The following TAOK1 variants were observed in gnomAD, a reference collection of about 807,000 sequenced individuals.
The protein encoded by TAOK1 is serine/threonine-protein kinase TAO1.
In TAOK1, 21 loss-of-function variants were observed where a neutral mutation model predicts 138.3. The ratio of observed to expected loss-of-function variants is 0.15; its 90% confidence interval spans 0.11 to 0.22. TAOK1 has a LOEUF of 0.22. Ranked by LOEUF, TAOK1 falls within the 10% of genes least tolerant of loss-of-function variation. TAOK1 has a pLI of 1.00. For missense variants in TAOK1, 651 were observed against 1,227.7 expected (o/e 0.53, Z 7.02); for synonymous variants, 361 against 398.4 (o/e 0.91, Z 1.12).
chr17:29,436,969 A>G (rs2153023095), intron 1 of TAOK1, among the ~76,000 whole-genome samples: 1 of 152,322 alleles, frequency 6.6e-6, no homozygotes, highest in East Asian at 1.9e-4. Context: ...AAAACACTTG[A>G]TATTATAAAA....
chr17:29,473,757 C>T (rs1432841128), intron 3 of TAOK1, among the ~76,000 whole-genome samples: 1 of 151,682 alleles, frequency 6.6e-6, no homozygotes, highest in Non-Finnish European at 1.5e-5. Flanking sequence ...GACAGAGTCT[C>T]TCTCTGTTGC....
intron 2 of TAOK1, among the ~76,000 whole-genome samples, chr17:29,457,408 T>TTTTTTTTTTTTC (rs2030412953): frequency 7.2e-6 from 1 of 138,362 alleles, no homozygotes; most frequent in Non-Finnish European, 1.6e-5. Context: ...AGGCCTTTTT[T>TTTTTTTTTTTTC]TTTTTTTTTT....
Position 29,500,149 on chromosome 17 carries a change from C to CA in TAOK1, c.1203+1635dup, listed in dbSNP as rs1296236136. The stretch of plus-strand genomic sequence containing the variant: ...GCAACATGGTGAAACCCTGTCTCCG[C>CA]AAAAAAATTTAAAAATTAGCTCGGC... On this transcript the variant is annotated intron_variant, in intron 12 of 19. Transcript: ENST00000261716. Among the ~76,000 whole-genome samples the CA allele has an allele frequency of 2.8e-4, 43 of 151,680 alleles. 2 individuals carry two copies. The highest frequency in any genetic ancestry group is 9.7e-4 in the African/African-American group (40 of 41,268).
chr17:29,446,737 C>CT (rs34871616), intron 1 of TAOK1, among the ~76,000 whole-genome samples: 237 of 119,852 alleles, frequency 2.0e-3, no homozygotes, highest in Middle Eastern at 0.013. Flanking sequence ...TTTTACTGTA[C>CT]TTTTTTTTTT....
intron 18 of TAOK1, among the ~76,000 whole-genome samples, chr17:29,532,555 G>A (rs2032138041): frequency 6.6e-6 from 1 of 152,032 alleles, no homozygotes; most frequent in African/African-American, 2.4e-5. Flanking sequence ...CTCTTAACGA[G>A]CATGCTGCCT....
At chr17:29,409,141 T>TA (rs1487757533) in intron 1 of TAOK1, among the ~76,000 whole-genome samples, 3 of 151,988 alleles carry the variant, frequency 2.0e-5, no homozygotes, top group Non-Finnish European at 4.4e-5. Context: ...TATTTATCTA[T>TA]GTTGCGTGTT....
At chr17:29,474,243 C>T (rs1242001426) in intron 3 of TAOK1, among the ~76,000 whole-genome samples, 1 of 152,204 alleles carries the variant, frequency 6.6e-6, no homozygotes, top group Non-Finnish European at 1.5e-5. Flanking sequence ...TTAAAGCTTT[C>T]TTCACATCAA....
At chr17:29,444,755 A>T (rs1187624196) in intron 1 of TAOK1, among the ~76,000 whole-genome samples, 1 of 152,242 alleles carries the variant, frequency 6.6e-6, no homozygotes, top group African/African-American at 2.4e-5. Flanking sequence ...TGGATCAGTT[A>T]GAAGAGAATT....
At chr17:29,528,607 A>G (rs2032051006) in intron 17 of TAOK1, among the ~76,000 whole-genome samples, 1 of 151,966 alleles carries the variant, frequency 6.6e-6, no homozygotes, top group South Asian at 2.1e-4. Flanking sequence ...TGGGAGGCCA[A>G]GGTGGGCGGT....
At chr17:29,409,190 A>G (rs1011653380) in intron 1 of TAOK1, among the ~76,000 whole-genome samples, 2 of 151,462 alleles carry the variant, frequency 1.3e-5, no homozygotes, top group Non-Finnish European at 2.9e-5. Flanking sequence ...GTAATAGTCC[A>G]GTGTTTGGAT....
At chr17:29,461,742 A>G (rs945473522) in intron 2 of TAOK1, among the ~76,000 whole-genome samples, 2 of 147,960 alleles carry the variant, frequency 1.4e-5, no homozygotes, top group Non-Finnish European at 3.0e-5. Context: ...TGAAATGTAG[A>G]GAGCGAAATT....
chr17:29,450,198 C>A (rs1293505292), intron 1 of TAOK1, among the ~76,000 whole-genome samples: 1 of 151,978 alleles, frequency 6.6e-6, no homozygotes, highest in East Asian at 1.9e-4. Context: ...GTGATCCTCC[C>A]ACCTCAGTCT....
chr17:29,433,367 T>G (rs1598479399), intron 1 of TAOK1, among the ~76,000 whole-genome samples: 1 of 151,346 alleles, frequency 6.6e-6, no homozygotes, highest in Non-Finnish European at 1.5e-5. Context: ...GGAGTGGATG[T>G]TGCAGTGAGC....
At chr17:29,506,250 T>C (rs1171438284) in intron 13 of TAOK1, among the ~76,000 whole-genome samples, 2 of 152,194 alleles carry the variant, frequency 1.3e-5, no homozygotes, top group Non-Finnish European at 2.9e-5. Flanking sequence ...AAAGAAAATG[T>C]AGCATATATA....
intron 15 of TAOK1, 110 bp downstream of exon 15, chr17:29,511,102 C>T (rs2031712192): frequency 2.0e-6 from 2 of 999,480 alleles, no homozygotes; most frequent in Admixed American, 3.0e-5. Context: ...TGTTTATGGT[C>T]ACTAAATGGG....
intron 1 of TAOK1, among the ~76,000 whole-genome samples, chr17:29,425,865 G>T (rs1269678834): frequency 6.6e-6 from 1 of 151,674 alleles, no homozygotes; most frequent in Non-Finnish European, 1.5e-5. Flanking sequence ...AATGAATCAG[G>T]TTTTTTTTGT....
intron 8 of TAOK1, among the ~76,000 whole-genome samples, chr17:29,485,382 A>T (rs946786111): frequency 6.6e-6 from 1 of 152,218 alleles, no homozygotes; most frequent in African/African-American, 2.4e-5. Context: ...TACATCTGTA[A>T]TCCTAGCACT....
At chr17:29,518,993 C>T (rs1311487322) in intron 16 of TAOK1, among the ~76,000 whole-genome samples, 1 of 151,964 alleles carries the variant, frequency 6.6e-6, no homozygotes, top group African/African-American at 2.4e-5. Context: ...TCTCCAATTC[C>T]CAACCTCAGG....
chr17:29,514,515 A>G (rs1198828248), intron 15 of TAOK1: 1 of 152,110 alleles, frequency 6.6e-6, no homozygotes, highest in Non-Finnish European at 1.5e-5. Context: ...GCATACCACC[A>G]TGCCCAGCTA....
Sources: gnomAD v4.1 joint callset for allele counts (sites outside exome capture counted in the v4.1 genomes callset) on GRCh38, gnomAD v4.1.1 for gene constraint, MANE v1.5 for transcripts, NCBI Gene and HGNC (gene_info 2026-07-23, HGNC 2026-07-21) for gene names.